BCOR: variants seen among roughly 807,000 people sequenced by gnomAD.
The protein encoded by BCOR is BCL6 corepressor.
Under a neutral mutation model 86.7 loss-of-function variants are expected in BCOR, and 10 were observed. The observed-to-expected ratio is 0.12, with a 90% confidence interval of 0.07 to 0.20. The LOEUF is 0.20. Among genes scored for constraint, BCOR ranks in the 10% least tolerant of loss-of-function variants. BCOR has a pLI of 1.00. For synonymous variants in BCOR, 611 were observed against 609.0 expected (o/e 1.00, Z -0.05); for missense variants, 1,259 against 1,452.1 (o/e 0.87, Z 2.16).
At chrX:40,158,952 C>T (rs1402112039) in intron 1 of BCOR, among the ~76,000 whole-genome samples, 1 of 111,966 alleles carries the variant, frequency 8.9e-6, no homozygotes. Context: ...TTGTAAATGA[C>T]TGAACACAAA....
exon 1 of BCOR, chrX:40,177,098 TG>T (rs956805832): frequency 1.9e-5 from 2 of 104,322 alleles, no homozygotes; most frequent in African/African-American, 3.4e-5. Context: ...CGCTCTGGGC[TG>T]GGGGGGAGGG....
rs1412089333 is a variant in BCOR, at chrX:40,055,414, G to A, written c.4695C>T (p.Thr1565=). 2 of 1,209,051 alleles carry A rather than the reference G, an allele frequency of 1.7e-6. No individual in the cohort carries two copies. The highest frequency in any genetic ancestry group is 3.0e-5 in the East Asian group (1 of 33,787). The change falls in exon 12 of 15, where the codon ACC becomes ACT. Residue 1565 remains threonine (T), a synonymous_variant. Transcript: ENST00000378444. The part of the protein sequence containing the change: ...DPTLATYSGR[T]IMKMTHSELM... ...GTTCACTGTGGGTCATTTTCATGAT[G>A]GTTCTACCTGAGTACGTAGCCAAGG... is the stretch of plus-strand genomic sequence containing the variant.
upstream of BCOR, among the ~76,000 whole-genome samples, chrX:40,100,118 G>A (rs1264459558): frequency 5.3e-5 from 6 of 113,076 alleles, no homozygotes; most frequent in South Asian, 3.5e-4. Context: ...ACGCATGCGA[G>A]TTACAGACAC....
At chrX:40,162,490 C>G (rs12400177) in intron 1 of BCOR, among the ~76,000 whole-genome samples, 1 of 111,066 alleles carries the variant, frequency 9.0e-6, no homozygotes, top group African/African-American at 3.3e-5. Context: ...CCTGGGAAGC[C>G]GTGGTGAGGT....
intron 1 of BCOR, among the ~76,000 whole-genome samples, chrX:40,106,464 G>C (rs1302874050): frequency 4.4e-4 from 49 of 111,567 alleles, no homozygotes; most frequent in Admixed American, 3.7e-3. Context: ...GAGGCAGGCG[G>C]GAGCCGGCGG....
At chrX:40,167,590 G>A (rs1938529411) in intron 1 of BCOR, among the ~76,000 whole-genome samples, 4 of 113,140 alleles carry the variant, frequency 3.5e-5, no homozygotes, top group Non-Finnish European at 5.6e-5. Context: ...CCGTGGGTCT[G>A]CGCGGCCCTC....
chrX:40,166,413 G>T (rs1278872662), intron 1 of BCOR, among the ~76,000 whole-genome samples: 2 of 112,067 alleles, frequency 1.8e-5, no homozygotes, highest in East Asian at 5.6e-4. Context: ...CTCATAGGCT[G>T]CTCCTTCTTG....
At chrX:40,077,731 G>A in intron 2 of BCOR, 113 bp downstream of exon 2, 1 of 674,787 alleles carries the variant, frequency 1.5e-6, no homozygotes, top group South Asian at 2.3e-5. Context: ...CTACTAGGCG[G>A]GAAGCTCTTT....
chrX:40,138,520 A>G (rs1236123247), intron 1 of BCOR, among the ~76,000 whole-genome samples: 1 of 111,719 alleles, frequency 9.0e-6, no homozygotes, highest in Non-Finnish European at 1.9e-5. Context: ...ACACCTATTA[A>G]GCACTTTCTA....
chrX:40,067,436 G>A (rs764267353), intron 6 of BCOR, among the ~76,000 whole-genome samples: 2 of 111,575 alleles, frequency 1.8e-5, no homozygotes, highest in African/African-American at 3.3e-5. Context: ...TAAGGGGTGC[G>A]AAACACACAT....
chrX:40,125,716 C>A (rs986766971), intron 1 of BCOR, among the ~76,000 whole-genome samples: 3 of 112,343 alleles, frequency 2.7e-5, no homozygotes, highest in Non-Finnish European at 5.6e-5. Context: ...CCACAGAAAT[C>A]AAGAGATAGA....
chrX:40,130,366 G>A (rs1389234605), intron 1 of BCOR, among the ~76,000 whole-genome samples: 3 of 112,114 alleles, frequency 2.7e-5, no homozygotes, highest in African/African-American at 9.7e-5. Flanking sequence ...GGTCTTCCTG[G>A]TCCTCCAAGA....
chrX:40,075,541 T>C (rs1483969269), intron 3 of BCOR, among the ~76,000 whole-genome samples: 1 of 111,652 alleles, frequency 9.0e-6, no homozygotes, highest in Non-Finnish European at 1.9e-5. Context: ...GCAGATTGCC[T>C]GAGCTCAGGA....
chrX:40,098,272 G>A (rs1017639196), upstream of BCOR, among the ~76,000 whole-genome samples: 1 of 108,467 alleles, frequency 9.2e-6, no homozygotes, highest in Non-Finnish European at 1.9e-5. Flanking sequence ...TGCACGGCCC[G>A]GCACGTTTTG....
At chrX:40,094,814 C>G (rs1936780470) in intron 1 of BCOR, among the ~76,000 whole-genome samples, 1 of 113,390 alleles carries the variant, frequency 8.8e-6, no homozygotes, top group South Asian at 3.5e-4. Flanking sequence ...CGGCGCTCCC[C>G]GCAGCCTGGA....
At chrX:40,095,669 G>A (rs753344357) in intron 1 of BCOR, among the ~76,000 whole-genome samples, 1 of 112,369 alleles carries the variant, frequency 8.9e-6, no homozygotes, top group Non-Finnish European at 1.9e-5. Context: ...TTTGAAGCGC[G>A]TTGGTTTCTT....
intron 1 of BCOR, among the ~76,000 whole-genome samples, chrX:40,152,213 A>AGGC (rs1478233154): frequency 1.8e-5 from 2 of 111,138 alleles, no homozygotes; most frequent in African/African-American, 6.6e-5. Flanking sequence ...GCAAGGGGAC[A>AGGC]GGCGGCGGCG....
intron 1 of BCOR, among the ~76,000 whole-genome samples, chrX:40,142,798 C>A (rs1309114535): frequency 1.8e-5 from 2 of 111,741 alleles, no homozygotes; most frequent in Admixed American, 1.9e-4. Context: ...AACATGCACT[C>A]CAAGGCTCTG....
chrX:40,062,638 T>C, intron 9 of BCOR, 108 bp downstream of exon 9: 1 of 827,346 alleles, frequency 1.2e-6, no homozygotes, highest in African/African-American at 2.0e-5. Flanking sequence ...ACGTGTGGTG[T>C]GGGGGAGGAG....
Sources: gnomAD v4.1 joint callset for allele counts (sites outside exome capture counted in the v4.1 genomes callset) on GRCh38, gnomAD v4.1.1 for gene constraint, MANE v1.5 for transcripts, NCBI Gene and HGNC (gene_info 2026-07-23, HGNC 2026-07-21) for gene names.